Variants in ATP2B2 observed in about 807,000 individuals in gnomAD.
The protein encoded by ATP2B2 is plasma membrane calcium-transporting ATPase 2.
A neutral mutation model predicts 120.0 loss-of-function variants in ATP2B2; 15 were observed. The ratio of observed to expected loss-of-function variants is 0.12; its 90% CI spans 0.08 to 0.19. The LOEUF is 0.19. ATP2B2 is among the 10% of genes least tolerant of loss of function. The pLI, the probability that ATP2B2 is intolerant of heterozygous loss-of-function variation, is 1.00. For synonymous variants in ATP2B2, 694 were observed against 700.3 expected (o/e 0.99, Z 0.14); for missense variants, 1,045 against 1,719.8 (o/e 0.61, Z 6.94).
chr3:10,680,626 C>A (rs1315720228), intron 1 of ATP2B2, among the ~76,000 whole-genome samples: 1 of 152,116 alleles, frequency 6.6e-6, no homozygotes, highest in Non-Finnish European at 1.5e-5. Context: ...CATTAGGTCT[C>A]CTTTGGTGTC....
intron 2 of ATP2B2, among the ~76,000 whole-genome samples, chr3:10,602,433 T>G (rs1269361613): frequency 6.6e-6 from 1 of 152,164 alleles, no homozygotes; most frequent in African/African-American, 2.4e-5. Context: ...CATCCTTTCA[T>G]TCTTGGGAGG....
intron 2 of ATP2B2, among the ~76,000 whole-genome samples, chr3:10,541,704 T>C (rs2067443576): frequency 1.3e-5 from 2 of 152,220 alleles, no homozygotes; most frequent in Admixed American, 6.5e-5. Flanking sequence ...CCTTAGCATA[T>C]GTTCTGTGGG....
intron 2 of ATP2B2, among the ~76,000 whole-genome samples, chr3:10,428,102 G>A (rs974638970): frequency 3.9e-5 from 6 of 152,194 alleles, no homozygotes; most frequent in African/African-American, 1.4e-4. Context: ...CTGGGCTCAG[G>A]GCTAGGCTGC....
intron 1 of ATP2B2, among the ~76,000 whole-genome samples, chr3:10,502,151 A>G (rs548986872): frequency 1.3e-5 from 2 of 152,284 alleles, no homozygotes; most frequent in South Asian, 4.1e-4. Context: ...TCTGCAAACT[A>G]GAGATTTCTT....
chr3:10,451,300 C>T (rs947668813), intron 1 of ATP2B2, among the ~76,000 whole-genome samples: 1 of 152,168 alleles, frequency 6.6e-6, no homozygotes, highest in African/African-American at 2.4e-5. Flanking sequence ...GCCAGGCAGC[C>T]GCTAAGAACA....
At chr3:10,514,031 T>C (rs2125442860) in intron 3 of ATP2B2, among the ~76,000 whole-genome samples, 1 of 152,336 alleles carries the variant, frequency 6.6e-6, no homozygotes, top group Admixed American at 6.5e-5. Flanking sequence ...GAACTTTTCA[T>C]GTGTTGACTC....
At chr3:10,509,375 C>T (rs1050631832), upstream of ATP2B2, among the ~76,000 whole-genome samples, 1 of 152,142 alleles carries the variant, frequency 6.6e-6, no homozygotes, top group Admixed American at 6.5e-5. Context: ...ACTGCTGCCC[C>T]AAAGAGCTGT....
At chr3:10,570,180 G>C (rs1027310872) in intron 2 of ATP2B2, 1 of 152,174 alleles carries the variant, frequency 6.6e-6, no homozygotes, top group African/African-American at 2.4e-5. Flanking sequence ...GGTCAGACTC[G>C]AGTTCCAGCT....
chr3:10,616,514 T>C (rs1331019273), intron 2 of ATP2B2, among the ~76,000 whole-genome samples: 1 of 152,160 alleles, frequency 6.6e-6, no homozygotes, highest in Non-Finnish European at 1.5e-5. Flanking sequence ...AATACATGAA[T>C]ACAGGCTCAA....
At chr3:10,341,457 C>T (rs144248497) in intron 19 of ATP2B2, among the ~76,000 whole-genome samples, 4 of 152,138 alleles carry the variant, frequency 2.6e-5, no homozygotes, top group African/African-American at 2.4e-5. Context: ...ATTACAGGTG[C>T]GCACCATCAC....
At chr3:10,362,107 A>G (rs2060916923) in intron 12 of ATP2B2, among the ~76,000 whole-genome samples, 1 of 152,198 alleles carries the variant, frequency 6.6e-6, no homozygotes, top group South Asian at 2.1e-4. Flanking sequence ...ACAGAGATAA[A>G]CCCAAACTCT....
intron 2 of ATP2B2, among the ~76,000 whole-genome samples, chr3:10,431,567 G>C (rs888438742): frequency 2.6e-5 from 4 of 152,136 alleles, no homozygotes; most frequent in African/African-American, 9.7e-5. Context: ...TTATCTCCTA[G>C]GTGGATGCCT....
upstream of ATP2B2, among the ~76,000 whole-genome samples, chr3:10,507,467 C>T (rs1176544816): frequency 6.6e-6 from 1 of 152,184 alleles, no homozygotes; most frequent in African/African-American, 2.4e-5. Context: ...GCTCTCCGTT[C>T]CCCAAAACAG....
At position 10,569,939 on chromosome 3, in the gene ATP2B2, G is replaced by C. The variant is rs181039569; in HGVS notation, c.-414-35806C>G. Among the ~76,000 whole-genome samples the C allele has an allele frequency of 3.8e-3, 585 of 152,330 alleles. 2 individuals carry two copies. Among genetic ancestry groups the C allele is most frequent in the Non-Finnish European group, 7.0e-3 (477 of 68,032 alleles). ...GAGAAGTTCCAGGAGTTGAAAGACAGAAAACAAAATTGGGAAGCTAAACTG... is the reference window on the plus strand; with the variant it reads ...GAGAAGTTCCAGGAGTTGAAAGACACAAAACAAAATTGGGAAGCTAAACTG... On this transcript the variant is annotated intron_variant, in intron 2 of 21. Coordinates refer to the ATP2B2 transcript ENST00000646379.
At chr3:10,545,136 G>A (rs79720649) in intron 2 of ATP2B2, among the ~76,000 whole-genome samples, 10 of 152,202 alleles carry the variant, frequency 6.6e-5, no homozygotes, top group African/African-American at 9.7e-5. Context: ...GGAAAGAAGC[G>A]AGTCTCAGAA....
Position 10,402,026 on chromosome 3 carries a change from C to T in ATP2B2, c.655+65G>A, listed in dbSNP as rs2062237878. 6.2e-7 allele frequency: 1 copy of T among 1,604,226 alleles called. No homozygotes were observed. Among genetic ancestry groups the T allele is most frequent in the Non-Finnish European group, 8.5e-7 (1 of 1,179,430 alleles). On this transcript the variant is annotated intron_variant, in intron 4 of 22. Transcript: ENST00000360273. This position sits in a 1 kb window ranked among gnomAD's most constrained non-coding sequence, Gnocchi z 4.9. ...CCTTGAGCCAATCTCTTTGCATCAG[C>T]CTGGCCTGTCCCACCTCTGCCGGAA...
intron 1 of ATP2B2, among the ~76,000 whole-genome samples, chr3:10,696,731 C>T (rs116648842): frequency 0.019 from 2,924 of 152,254 alleles, 54 homozygotes; most frequent in Admixed American, 0.033. Context: ...AGAGAGAATG[C>T]TAGAAACCAA....
rs1368485542 is a variant in ATP2B2 at position 10,346,005 on chromosome 3, C to T, written c.2511+26G>A. ...TCCAATCTCCCCAGCCCCCACCACC[C>T]CAGGCCCTCTGTGGGCCGTTCCTAC... On this transcript the variant is annotated intron_variant, in intron 17 of 22. Coordinates refer to ENST00000360273, the MANE Select transcript of ATP2B2 (RefSeq NM_001001331.4). The surrounding 1 kb of genome is among the most constrained non-coding windows in gnomAD (Gnocchi z 4.1). 1.9e-6 allele frequency: 3 copies of T among 1,598,006 alleles called. No individual in the cohort carries two copies. The South Asian group carries it at 3.4e-5, about 18-fold the overall frequency.
chr3:10,675,810 T>C (rs1047226583), intron 1 of ATP2B2, among the ~76,000 whole-genome samples: 2 of 152,226 alleles, frequency 1.3e-5, no homozygotes, highest in Admixed American at 6.5e-5. Context: ...TCAGGGTCTT[T>C]GCACATGTTG....
Sources: gnomAD v4.1 joint callset for allele counts (sites outside exome capture counted in the v4.1 genomes callset) on GRCh38, gnomAD v4.1.1 for gene constraint, Gnocchi (gnomAD v3.1) non-coding constraint, MANE v1.5 for transcripts, NCBI Gene and HGNC (gene_info 2026-07-23, HGNC 2026-07-21) for gene names.